Variants in CROT observed in about 807,000 individuals in gnomAD.
The protein encoded by CROT is peroxisomal carnitine O-octanoyltransferase.
A neutral mutation model predicts 89.2 loss-of-function variants in CROT; 84 were observed. That is an observed-to-expected ratio of 0.94 (90% CI 0.79 to 1.13). CROT has a LOEUF of 1.13. Ranked by LOEUF, CROT falls within the 50% of genes most tolerant of loss-of-function variation. The pLI, the probability that CROT is intolerant of heterozygous loss-of-function variation, is 0.00. For missense variants in CROT, 711 were observed against 727.8 expected, an observed-to-expected ratio of 0.98 and a Z score of 0.27; for synonymous variants, 212 against 239.5, an observed-to-expected ratio of 0.89 and a Z score of 1.06.
Position 87,359,302 on chromosome 7 carries a change from T to A in CROT, c.212T>A (p.Leu71His). Residue 71 changes from leucine to histidine, a missense_variant, in exon 4 of 18, where the codon CTT (leucine) becomes CAT (histidine). Leu to His is a moderately conservative substitution (Grantham distance 99, BLOSUM62 -3). Coordinates refer to ENST00000331536, the MANE Select transcript of CROT (RefSeq NM_021151.4). ...GGAGAAAAATTGCACCAGAAATTGC[T>A]TGAAAGAGCAAAAGGAAAAAGAAAT... ...GIGEKLHQKL[L>H]ERAKGKRNWL... 1 of 1,601,976 alleles carries A rather than the reference T, an allele frequency of 6.2e-7. No individual in the cohort carries two copies.
Position 87,361,570 on chromosome 7 carries a change from A to C in CROT, c.421A>C (p.Lys141Gln), listed in dbSNP as rs745717997. 22 of 1,586,734 alleles carry C rather than the reference A, an allele frequency of 1.4e-5. No individual in the cohort carries two copies. Among genetic ancestry groups the C allele is most frequent in the Non-Finnish European group, 1.9e-5 (22 of 1,168,326 alleles). ...CTTGAACTACTGGCAGCTATTAAGA[A>C]AGTAAGGACACATGTGAATTTAGTG... Reference protein sequence around the residue: ...HNLNYWQLLRKEKVPVHKVGN... With the variant: ...HNLNYWQLLRQEKVPVHKVGN... Residue 141 changes from lysine (K) to glutamine (Q), a missense_variant and splice_region_variant, in exon 5 of 18, where the codon AAA (lysine) becomes CAA (glutamine). Physicochemically the swap from Lys to Gln is moderately conservative, Grantham distance 53. Coordinates refer to ENST00000331536, the MANE Select transcript of CROT (RefSeq NM_021151.4).
chr7:87,350,260 A>G (rs979561468), intron 3 of CROT, among the ~76,000 whole-genome samples: 1 of 152,088 alleles, frequency 6.6e-6, no homozygotes, highest in Non-Finnish European at 1.5e-5. Flanking sequence ...GGAACATAAT[A>G]TTCAGTTTTG....
chr7:87,376,161 T>C (rs778128794), intron 9 of CROT, among the ~76,000 whole-genome samples: 4 of 152,134 alleles, frequency 2.6e-5, no homozygotes, highest in Non-Finnish European at 5.9e-5. Context: ...TGTTTAGCTA[T>C]ATATTATACT....
At chr7:87,370,425 C>A (rs535056645) in intron 7 of CROT, among the ~76,000 whole-genome samples, 1 of 152,120 alleles carries the variant, frequency 6.6e-6, no homozygotes, top group Non-Finnish European at 1.5e-5. Flanking sequence ...TTAAATAATC[C>A]GCCTGCCTTG....
chr7:87,369,310 A>C (rs1806546585), intron 6 of CROT, 66 bp from the exon 7 acceptor site: 1 of 997,360 alleles, frequency 1.0e-6, no homozygotes, highest in Admixed American at 2.1e-5. Flanking sequence ...CTTCTATTGG[A>C]TATATGCATC....
rs1400049512 is a variant in CROT, at chr7:87,391,657, C to T, written c.1370C>T (p.Ser457Leu). Residue 457 changes from serine (S) to leucine (L), a missense_variant, in exon 14 of 18, where the codon TCA (serine) becomes TTA (leucine). Ser to Leu is a moderately radical substitution (Grantham distance 145). Transcript: ENST00000331536. ...CATGGCCGTACAGAGACTATGCGAT[C>T]ATGCACAGTTGAAGCAGTGAGGTGG... ...FYHGRTETMR[S>L]CTVEAVRWCQ... The T allele has an allele frequency of 1.2e-6, 2 of 1,611,818 alleles. No homozygotes were observed. Among genetic ancestry groups the T allele is most frequent in the African/African-American group, 1.3e-5 (1 of 74,880 alleles).
intron 6 of CROT, among the ~76,000 whole-genome samples, chr7:87,366,154 T>C (rs924626532): frequency 1.1e-4 from 17 of 152,168 alleles, no homozygotes; most frequent in African/African-American, 3.9e-4. Context: ...CAAAATCCAT[T>C]ATATCCTCAA....
intron 6 of CROT, among the ~76,000 whole-genome samples, chr7:87,363,253 G>T (rs1009215068): frequency 2.0e-5 from 3 of 152,062 alleles, no homozygotes; most frequent in Non-Finnish European, 4.4e-5. Flanking sequence ...TATATTTTGG[G>T]GCTTACATGT....
At chr7:87,391,798 T>G in intron 14 of CROT, 86 bp downstream of exon 14, 1 of 1,349,200 alleles carries the variant, frequency 7.4e-7, no homozygotes, top group Non-Finnish European at 1.0e-6. Context: ...ACTTCTTTGC[T>G]TCAGTTTTCC....
At chr7:87,357,634 T>C in intron 3 of CROT, 1 of 804,294 alleles carries the variant, frequency 1.2e-6, no homozygotes, top group South Asian at 1.5e-5. Context: ...TATTGAAAGC[T>C]ACTCCATTGC....
chr7:87,381,220 G>A (rs868509210), intron 10 of CROT, among the ~76,000 whole-genome samples: 4 of 152,142 alleles, frequency 2.6e-5, no homozygotes, highest in South Asian at 2.1e-4. Context: ...ACAAGGAACC[G>A]TCTGATGTAA....
At chr7:87,389,234 A>G (rs1807279423) in intron 13 of CROT, among the ~76,000 whole-genome samples, 1 of 152,192 alleles carries the variant, frequency 6.6e-6, no homozygotes, top group South Asian at 2.1e-4. Context: ...AAGGATCTAG[A>G]ACCAGAAATA....
chr7:87,347,678 T>C (rs1805729685), intron 2 of CROT, among the ~76,000 whole-genome samples: 1 of 152,058 alleles, frequency 6.6e-6, no homozygotes, highest in Admixed American at 6.5e-5. Context: ...CAAAATACAA[T>C]GGTATGAATA....
intron 3 of CROT, among the ~76,000 whole-genome samples, chr7:87,354,009 A>T (rs1382023561): frequency 6.6e-6 from 1 of 152,224 alleles, no homozygotes; most frequent in African/African-American, 2.4e-5. Context: ...AACTTTAATA[A>T]ATCCCAGCAA....
At chr7:87,371,415 A>G (rs1806626150) in intron 7 of CROT, among the ~76,000 whole-genome samples, 2 of 152,240 alleles carry the variant, frequency 1.3e-5, no homozygotes, top group Admixed American at 1.3e-4. Context: ...TGGATATATT[A>G]TAGTTGATGT....
chr7:87,392,906 A>T, intron 16 of CROT, 42 bp from the exon 17 acceptor site: 3 of 1,611,948 alleles, frequency 1.9e-6, no homozygotes, highest in Non-Finnish European at 2.5e-6. Flanking sequence ...CAATATAAGC[A>T]TCTGTAGGCC....
In CROT at chr7:87,362,559, G is replaced by T. The variant is rs111913438; in HGVS notation, c.547+707G>T. On this transcript the variant is annotated intron_variant, in intron 6 of 17. Coordinates refer to ENST00000331536, the MANE Select transcript of CROT (RefSeq NM_021151.4). ...AGTCTGTCCGCCTCAGCCTCCAGAAGTGCTGAGATTACAGGCATGGGCCAC... is the reference window on the plus strand; with the variant it reads ...AGTCTGTCCGCCTCAGCCTCCAGAATTGCTGAGATTACAGGCATGGGCCAC... 5.5e-4 allele frequency among the ~76,000 whole-genome samples: 83 copies of T among 152,192 alleles called. 2 individuals are homozygous for T. The highest frequency in any genetic ancestry group is 1.0e-3 in the African/African-American group (42 of 41,544).
intron 3 of CROT, among the ~76,000 whole-genome samples, chr7:87,353,782 G>C: frequency 6.6e-6 from 1 of 152,164 alleles, no homozygotes. Flanking sequence ...CAGAGTGAGG[G>C]CTCACTTGTC....
chr7:87,391,740 C>A (rs779071089), intron 14 of CROT, 28 bp downstream of exon 14: 15 of 1,595,000 alleles, frequency 9.4e-6, no homozygotes, highest in Non-Finnish European at 1.3e-5. Context: ...AAAAAACTCA[C>A]AAGATTTGTT....
Sources: allele counts gnomAD v4.1 joint callset (sites outside exome capture counted in the v4.1 genomes callset), GRCh38; gene constraint gnomAD v4.1.1; transcripts MANE v1.5; gene names NCBI Gene and HGNC (gene_info 2026-07-23, HGNC 2026-07-21).